Variants in WNT5A observed in about 807,000 individuals in gnomAD.
WNT5A encodes the protein Wnt family member 5A.
In WNT5A, 9 loss-of-function variants were observed where a neutral mutation model predicts 42.1. The observed-to-expected ratio is 0.21, with a 90% CI of 0.13 to 0.37. The LOEUF (loss-of-function observed/expected upper bound fraction) is 0.37. Ranked by LOEUF, WNT5A falls within the 10% of genes least tolerant of loss-of-function variation. The probability of loss-of-function intolerance (pLI) is 1.00; values close to 1 mark genes in which losing one functional copy is unlikely to be tolerated. For missense variants in WNT5A, 426 were observed against 534.0 expected (o/e 0.80, Z 1.99); for synonymous variants, 210 against 210.0 (o/e 1.00, Z 0.00).
chr3:55,500,871 T>C, the WNT5A span, among the ~76,000 whole-genome samples: 5 of 152,232 alleles, frequency 3.3e-5, no homozygotes, highest in African/African-American at 9.6e-5. Flanking sequence ...CATGACTCTG[T>C]AATAATGACT....
chr3:55,497,405 C>T, the WNT5A span: 4 of 152,234 alleles, frequency 2.6e-5, no homozygotes, highest in African/African-American at 9.6e-5. Flanking sequence ...GAGACAAACA[C>T]TCTGCAGTGG....
intron 2 of WNT5A, among the ~76,000 whole-genome samples, chr3:55,480,371 C>T (rs946283481): frequency 2.0e-5 from 3 of 152,230 alleles, no homozygotes; most frequent in African/African-American, 7.2e-5. Flanking sequence ...CTAATTCAAA[C>T]TCTGTAGGTT....
the WNT5A span, among the ~76,000 whole-genome samples, chr3:55,500,974 C>T: frequency 1.3e-5 from 2 of 152,134 alleles, no homozygotes; most frequent in Non-Finnish European, 2.9e-5. Flanking sequence ...GAGAATTTTC[C>T]AAGACTTTAC....
intron 3 of WNT5A, among the ~76,000 whole-genome samples, chr3:55,476,475 G>A (rs980917965): frequency 3.3e-5 from 5 of 152,140 alleles, no homozygotes; most frequent in African/African-American, 1.2e-4. Context: ...CCCTGGATGG[G>A]GGATTTGTAG....
intron 4 of WNT5A, 59 bp downstream of exon 4, chr3:55,474,278 G>C: frequency 6.2e-7 from 1 of 1,605,584 alleles, no homozygotes; most frequent in South Asian, 1.1e-5. Context: ...GACCCGAGGA[G>C]GCTGGAGGGC....
At chr3:55,496,066 T>C in the WNT5A span, among the ~76,000 whole-genome samples, 1 of 152,198 alleles carries the variant, frequency 6.6e-6, no homozygotes, top group African/African-American at 2.4e-5. Context: ...CCCTAATGTG[T>C]TTTTTTCATT....
rs34280613 is a variant in WNT5A at position 55,467,364 on chromosome 3, CTT to C, written c.*2726_*2727del. 4.2e-3 allele frequency: 568 copies of C among 134,482 alleles called. 2 individuals carry two copies. Among genetic ancestry groups the C allele is most frequent in the South Asian group, 0.01 (44 of 4,240 alleles). 8.3% of individuals were successfully genotyped at this position (134,482 alleles called of 1,614,324 possible). Reference sequence around the variant, plus strand: ...CAGCTTTAAGCCATCTGCTTGATTTCTTTTTTTTTTTTTTTTGTAAGGAACAT... The same window carrying C: ...CAGCTTTAAGCCATCTGCTTGATTTCTTTTTTTTTTTTTTGTAAGGAACAT... On this transcript the variant is annotated 3_prime_UTR_variant, in exon 5 of 5. Transcript: ENST00000264634.
the WNT5A span, among the ~76,000 whole-genome samples, chr3:55,500,922 T>C: frequency 6.6e-6 from 1 of 152,164 alleles, no homozygotes; most frequent in Admixed American, 6.5e-5. Flanking sequence ...CCTAAAACAT[T>C]ACCAACCAGA....
the WNT5A span, among the ~76,000 whole-genome samples, chr3:55,495,653 T>C: frequency 6.6e-6 from 1 of 152,208 alleles, no homozygotes; most frequent in South Asian, 2.1e-4. Flanking sequence ...AATGAACATT[T>C]GGGAGTGCAG....
intron 1 of WNT5A, among the ~76,000 whole-genome samples, chr3:55,484,652 C>T (rs1047381635): frequency 4.6e-5 from 7 of 151,380 alleles, no homozygotes; most frequent in Non-Finnish European, 8.8e-5. Flanking sequence ...CCCCCTCGTC[C>T]ATCCCTTAGA....
At chr3:55,487,656 TAC>T (rs915100625), upstream of WNT5A, 1 of 152,418 alleles carries the variant, frequency 6.6e-6, no homozygotes, top group South Asian at 2.1e-4. Flanking sequence ...GACGTCTCTG[TAC>T]ACACACAGAC....
intron 4 of WNT5A, among the ~76,000 whole-genome samples, chr3:55,471,673 C>G (rs1461789587): frequency 1.3e-5 from 2 of 152,274 alleles, no homozygotes; most frequent in South Asian, 2.1e-4. Flanking sequence ...CCTTGGGCCT[C>G]CCAGTAGCAG....
chr3:55,474,328 G>C lies in WNT5A; in HGVS notation c.684+9C>G, dbSNP rs2051307456. On this transcript the variant is annotated intron_variant, in intron 4 of 4. Transcript: ENST00000264634. ...GAGATGCGGGGCGGGGGCGAGACGC[G>C]GCACTCACCCTGCGGCCGGCCTCGT... is the stretch of plus-strand genomic sequence containing the variant. The C allele has an allele frequency of 6.2e-7, 1 of 1,612,706 alleles. No individual in the cohort carries two copies. The highest frequency in any genetic ancestry group is 8.5e-7 in the Non-Finnish European group (1 of 1,179,754).
intron 1 of WNT5A, among the ~76,000 whole-genome samples, chr3:55,485,689 G>A (rs1575408076): frequency 1.3e-5 from 2 of 152,228 alleles, no homozygotes; most frequent in South Asian, 4.2e-4. Context: ...GGGCTGAGGA[G>A]GTGCGACCTC....
In WNT5A at chr3:55,482,965, G is replaced by A. The variant is rs1456234963; in HGVS notation, c.7-2047C>T. Among the ~76,000 whole-genome samples, 3 of 152,208 alleles carry A rather than the reference G, an allele frequency of 2.0e-5. No individual in the cohort carries two copies. The East Asian group carries it at 5.8e-4, about 29-fold the overall frequency. Reference sequence around the variant, plus strand: ...GACACACACGCTGCGACATGTTTCCGAGTCAGCGGCCCAGATTGGTGCTGG... The same window carrying A: ...GACACACACGCTGCGACATGTTTCCAAGTCAGCGGCCCAGATTGGTGCTGG... On this transcript the variant is annotated intron_variant, in intron 1 of 4. Transcript: ENST00000264634.
At chr3:55,496,588 C>G in the WNT5A span, among the ~76,000 whole-genome samples, 1 of 152,136 alleles carries the variant, frequency 6.6e-6, no homozygotes, top group Non-Finnish European at 1.5e-5. Flanking sequence ...TGTGGACAAC[C>G]CTCTTCTGCT....
chr3:55,499,005 A>G, the WNT5A span, among the ~76,000 whole-genome samples: 13 of 152,332 alleles, frequency 8.5e-5, no homozygotes, highest in South Asian at 2.1e-4. Context: ...GCCTAAGGCC[A>G]TTATCCTCCT....
At chr3:55,489,510 A>G (rs1422264868), upstream of WNT5A, among the ~76,000 whole-genome samples, 1 of 133,540 alleles carries the variant, frequency 7.5e-6, no homozygotes, top group African/African-American at 2.9e-5. Flanking sequence ...GCCCCTTCCC[A>G]TTCCTTAATT....
chr3:55,478,844 T>C (rs1321879715), intron 3 of WNT5A, among the ~76,000 whole-genome samples: 1 of 152,190 alleles, frequency 6.6e-6, no homozygotes, highest in Non-Finnish European at 1.5e-5. Context: ...ATAGTTCTAT[T>C]AGGAAAATTA....
Sources: gnomAD v4.1 joint callset for allele counts (sites outside exome capture counted in the v4.1 genomes callset) on GRCh38, gnomAD v4.1.1 for gene constraint, MANE v1.5 for transcripts, NCBI Gene and HGNC (gene_info 2026-07-23, HGNC 2026-07-21) for gene names.